The following NRG3 variants were observed in gnomAD, a reference collection of about 807,000 sequenced individuals.
NRG3 encodes pro-neuregulin-3, membrane-bound isoform.
A neutral mutation model predicts 66.9 loss-of-function variants in NRG3; 31 were observed. The ratio of observed to expected loss-of-function variants is 0.46; its 90% CI spans 0.35 to 0.63. The LOEUF is 0.63. Among genes scored for constraint, NRG3 ranks in the 20% least tolerant of loss-of-function variants. The probability of loss-of-function intolerance (pLI) is 0.00; values close to 1 mark genes in which losing one functional copy is unlikely to be tolerated. For synonymous variants in NRG3, 393 were observed against 359.4 expected, an observed-to-expected ratio of 1.09 and a Z score of -1.06; for missense variants, 910 against 878.9, an observed-to-expected ratio of 1.04 and a Z score of -0.45.
chr10:82,986,516 T>C lies in NRG3; in HGVS notation c.*911T>C, dbSNP rs1282796128. On this transcript the variant is annotated 3_prime_UTR_variant, in exon 9 of 9. Coordinates refer to ENST00000372141, the MANE Select transcript of NRG3 (RefSeq NM_001010848.4). ...ATTTGTTCTGAAACATCAGGGAATC[T>C]ACTATTCAGAAAAATTATTTCCCTC... is the stretch of plus-strand genomic sequence containing the variant. The C allele has an allele frequency of 6.6e-6, 1 of 152,236 alleles. No homozygotes were observed. The highest frequency in any genetic ancestry group is 1.5e-5 in the Non-Finnish European group (1 of 68,038). The allele number at this position is 152,236 out of a possible 1,614,324, so 9.4% of individuals were successfully genotyped here.
chr10:82,054,040 C>T (rs149165647), intron 1 of NRG3, among the ~76,000 whole-genome samples: 102 of 152,122 alleles, frequency 6.7e-4, no homozygotes, highest in African/African-American at 2.2e-3. Context: ...GATATGAGGT[C>T]GGAGAAGTAA....
At chr10:82,761,933 TTTC>T (rs1203298197) in intron 3 of NRG3, among the ~76,000 whole-genome samples, 1 of 127,914 alleles carries the variant, frequency 7.8e-6, no homozygotes, top group Non-Finnish European at 1.7e-5. Context: ...TCTTTCTTTC[TTTC>T]TTTCTTTCTT....
At chr10:82,497,993 T>G (rs535429591) in intron 2 of NRG3, among the ~76,000 whole-genome samples, 2 of 152,198 alleles carry the variant, frequency 1.3e-5, no homozygotes, top group Admixed American at 6.5e-5. Flanking sequence ...CTAGTGATGT[T>G]GCACATCTTT....
chr10:82,474,419 A>G (rs991139574), intron 2 of NRG3, among the ~76,000 whole-genome samples: 1 of 152,204 alleles, frequency 6.6e-6, no homozygotes, highest in African/African-American at 2.4e-5. Context: ...AAGAGATAAT[A>G]TATTTTAAAA....
intron 2 of NRG3, among the ~76,000 whole-genome samples, chr10:82,455,399 A>G (rs1383930789): frequency 6.6e-6 from 1 of 152,176 alleles, no homozygotes; most frequent in Non-Finnish European, 1.5e-5. Flanking sequence ...GGTAAGTATT[A>G]CTGTATCTGA....
chr10:82,778,286 T>C (rs1173673354), intron 3 of NRG3, among the ~76,000 whole-genome samples: 4 of 152,212 alleles, frequency 2.6e-5, no homozygotes, highest in Non-Finnish European at 5.9e-5. Flanking sequence ...TGGGTTGGTG[T>C]ACTAGTCCAT....
chr10:82,753,278 G>GT (rs1320212572), intron 3 of NRG3, among the ~76,000 whole-genome samples: 5 of 152,050 alleles, frequency 3.3e-5, no homozygotes, highest in East Asian at 1.9e-4. Flanking sequence ...TATTTTAAAA[G>GT]TTTTTTATTT....
intron 1 of NRG3, among the ~76,000 whole-genome samples, chr10:81,946,631 G>C (rs960410577): frequency 6.6e-6 from 1 of 152,112 alleles, no homozygotes; most frequent in Admixed American, 6.6e-5. Flanking sequence ...GTGTCTATGT[G>C]TGTGTGTTTT....
intron 3 of NRG3, among the ~76,000 whole-genome samples, chr10:82,758,917 A>T (rs1350590880): frequency 1.3e-5 from 2 of 151,942 alleles, no homozygotes. Context: ...CTGTGGTGAT[A>T]AGTAAAATAG....
chr10:82,734,558 C>T (rs2058066609), intron 2 of NRG3, among the ~76,000 whole-genome samples: 1 of 152,134 alleles, frequency 6.6e-6, no homozygotes, highest in African/African-American at 2.4e-5. Context: ...CCATTCCCTC[C>T]CTCCCATTGT....
chr10:82,792,273 T>C (rs1467219668), intron 3 of NRG3, among the ~76,000 whole-genome samples: 1 of 152,188 alleles, frequency 6.6e-6, no homozygotes, highest in Non-Finnish European at 1.5e-5. Flanking sequence ...TACTTTATCA[T>C]CTGGAAGTAC....
At chr10:82,319,532 C>T (rs777926843) in intron 1 of NRG3, among the ~76,000 whole-genome samples, 115 of 152,138 alleles carry the variant, frequency 7.6e-4, no homozygotes, top group Non-Finnish European at 1.4e-3. Flanking sequence ...AAATTATTTT[C>T]CCTTGTTCTT....
intron 1 of NRG3, among the ~76,000 whole-genome samples, chr10:82,287,104 T>C (rs1469845721): frequency 2.0e-5 from 3 of 152,096 alleles, no homozygotes; most frequent in African/African-American, 7.2e-5. Flanking sequence ...TAGAGTTTGA[T>C]ATGTGTCCCC....
intron 1 of NRG3, among the ~76,000 whole-genome samples, chr10:82,304,514 C>A (rs2080596503): frequency 6.6e-6 from 1 of 152,052 alleles, no homozygotes; most frequent in South Asian, 2.1e-4. Context: ...TTTATTTCTT[C>A]TTTATTTTTC....
At chr10:82,652,451 C>T (rs1293757514) in intron 2 of NRG3, among the ~76,000 whole-genome samples, 5 of 152,084 alleles carry the variant, frequency 3.3e-5, no homozygotes, top group Non-Finnish European at 5.9e-5. Flanking sequence ...GATAATCTTC[C>T]CCTGAAGACT....
intron 1 of NRG3, among the ~76,000 whole-genome samples, chr10:82,256,826 A>G (rs922181878): frequency 2.0e-5 from 3 of 152,208 alleles, no homozygotes; most frequent in Non-Finnish European, 2.9e-5. Flanking sequence ...AGCAAAATCA[A>G]TAGCTGAGTT....
chr10:82,752,282 A>G (rs1237595651), intron 3 of NRG3, among the ~76,000 whole-genome samples: 2 of 152,188 alleles, frequency 1.3e-5, no homozygotes, highest in Non-Finnish European at 2.9e-5. Context: ...AAAGAGGTTT[A>G]CAATAAAATG....
chr10:81,929,542 T>C (rs1420030131), intron 1 of NRG3, among the ~76,000 whole-genome samples: 1 of 152,124 alleles, frequency 6.6e-6, no homozygotes, highest in African/African-American at 2.4e-5. Context: ...TGAAACACAT[T>C]TTTTTCTTTT....
chr10:82,694,222 G>A (rs1487450904), intron 2 of NRG3, among the ~76,000 whole-genome samples: 1 of 152,096 alleles, frequency 6.6e-6, no homozygotes, highest in African/African-American at 2.4e-5. Flanking sequence ...GCTAGACACA[G>A]AGCGCTGATT....
Sources: gnomAD v4.1 joint callset for allele counts (sites outside exome capture counted in the v4.1 genomes callset) on GRCh38, gnomAD v4.1.1 for gene constraint, MANE v1.5 for transcripts, NCBI Gene and HGNC (gene_info 2026-07-23, HGNC 2026-07-21) for gene names.